MYO3A: variants seen among roughly 807,000 people sequenced by gnomAD.
The protein encoded by MYO3A is myosin-IIIa.
In MYO3A, 180 loss-of-function variants were observed where a neutral mutation model predicts 192.7. The observed-to-expected ratio is 0.93, with a 90% CI of 0.83 to 1.06. The LOEUF (loss-of-function observed/expected upper bound fraction) is 1.06, where lower values mean the gene tolerates loss of function less well. Ranked by LOEUF, MYO3A falls within the 50% of genes least tolerant of loss-of-function variation. MYO3A has a pLI of 0.00. For synonymous variants in MYO3A, 628 were observed against 645.3 expected (o/e 0.97, Z 0.41); for missense variants, 1,896 against 1,905.0 (o/e 1.00, Z 0.09).
intron 7 of MYO3A, among the ~76,000 whole-genome samples, chr10:26,017,402 A>G (rs1451898291): frequency 6.6e-6 from 1 of 152,060 alleles, no homozygotes; most frequent in African/African-American, 2.4e-5. Context: ...TAGTTGAGGG[A>G]AAAAGTTTTC....
At chr10:26,089,017 C>T (rs776722234) in intron 15 of MYO3A, among the ~76,000 whole-genome samples, 4 of 152,198 alleles carry the variant, frequency 2.6e-5, no homozygotes, top group Admixed American at 6.5e-5. Context: ...ACTATCGTTA[C>T]ACATTGGATT....
intron 2 of MYO3A, among the ~76,000 whole-genome samples, chr10:25,947,389 C>CTTT (rs869281200): frequency 7.4e-4 from 68 of 91,830 alleles, no homozygotes; most frequent in African/African-American, 1.5e-3. Context: ...TTTTCTTTTT[C>CTTT]TTTTTTTTTT....
intron 33 of MYO3A, chr10:26,202,723 T>A: frequency 4.5e-6 from 2 of 443,568 alleles, no homozygotes; most frequent in East Asian, 4.7e-5. Context: ...TTCAGTGCAA[T>A]AGAACCAGGA....
intron 10 of MYO3A, among the ~76,000 whole-genome samples, chr10:26,058,163 G>T (rs1338762819): frequency 1.3e-5 from 2 of 152,158 alleles, no homozygotes; most frequent in African/African-American, 2.4e-5. Flanking sequence ...CCTCTAATTT[G>T]CTGTCAATTA....
intron 20 of MYO3A, among the ~76,000 whole-genome samples, chr10:26,134,175 C>A (rs1015245340): frequency 2.6e-5 from 4 of 152,048 alleles, no homozygotes; most frequent in African/African-American, 7.2e-5. Flanking sequence ...GAGAAATATT[C>A]TAAAACTCAT....
chr10:26,164,251 G>T (rs1473833996), intron 26 of MYO3A, among the ~76,000 whole-genome samples: 2 of 152,192 alleles, frequency 1.3e-5, no homozygotes, highest in South Asian at 4.1e-4. Context: ...GGCTTAAGGT[G>T]TTTGCTTTGT....
chr10:26,153,056 C>T (rs1840893512), intron 23 of MYO3A, among the ~76,000 whole-genome samples: 1 of 152,182 alleles, frequency 6.6e-6, no homozygotes, highest in African/African-American at 2.4e-5. Context: ...AGATATTTTG[C>T]ACATTACTAT....
chr10:26,052,425 TG>T (rs1844058379), intron 10 of MYO3A, among the ~76,000 whole-genome samples: 3 of 152,178 alleles, frequency 2.0e-5, no homozygotes, highest in Admixed American at 1.3e-4. Flanking sequence ...GTTGATCCAG[TG>T]CTATGGCTCA....
intron 17 of MYO3A, among the ~76,000 whole-genome samples, chr10:26,116,498 C>A (rs983613883): frequency 6.6e-6 from 1 of 152,182 alleles, no homozygotes; most frequent in African/African-American, 2.4e-5. Context: ...CCAAATAAGA[C>A]CACGTTCTGA....
intron 6 of MYO3A, among the ~76,000 whole-genome samples, chr10:26,004,208 G>T (rs1378834782): frequency 6.6e-6 from 1 of 152,120 alleles, no homozygotes; most frequent in Non-Finnish European, 1.5e-5. Context: ...TGATGGGGAT[G>T]ATCCTGTATG....
At position 26,127,366 on chromosome 10, in the gene MYO3A, A is replaced by G. The variant is rs370361940; in HGVS notation, c.2115-1025A>G. Among the ~76,000 whole-genome samples, 79 of 152,300 alleles carry G rather than the reference A, an allele frequency of 5.2e-4. No homozygotes were observed. The Middle Eastern group carries it at 0.027, about 52-fold the overall frequency. On this transcript the variant is annotated intron_variant, in intron 19 of 34. Coordinates refer to ENST00000642920, the MANE Select transcript of MYO3A (RefSeq NM_017433.5). ...TCCTGTGGGGCAAAGAGATTGTAAA[A>G]GGATAATAATCTTGACTAAACCAGC...
chr10:26,014,543 T>C (rs903606569), intron 6 of MYO3A, among the ~76,000 whole-genome samples: 3 of 152,108 alleles, frequency 2.0e-5, no homozygotes, highest in Admixed American at 1.3e-4. Context: ...CAGAATATAG[T>C]CTTACCAAAT....
intron 17 of MYO3A, among the ~76,000 whole-genome samples, chr10:26,113,464 G>A (rs552715780): frequency 3.8e-5 from 5 of 132,632 alleles, no homozygotes; most frequent in African/African-American, 1.1e-4. Context: ...GCAAGACTAC[G>A]TCTCAAAAAA....
At chr10:26,069,705 C>T (rs7097387) in intron 12 of MYO3A, among the ~76,000 whole-genome samples, 72,062 of 151,656 alleles carry the variant, frequency 0.48, 17,905 homozygotes, top group Middle Eastern at 0.59. Context: ...TGTTAAATGA[C>T]GTGAAAGGAA....
chr10:26,082,352 G>A (rs1475398035), intron 14 of MYO3A, among the ~76,000 whole-genome samples: 1 of 151,700 alleles, frequency 6.6e-6, no homozygotes, highest in African/African-American at 2.4e-5. Context: ...TTTGTTAATG[G>A]GATTGCTTTC....
intron 2 of MYO3A, among the ~76,000 whole-genome samples, chr10:25,946,996 A>G (rs72789927): frequency 0.08 from 12,165 of 151,626 alleles, 621 homozygotes; most frequent in African/African-American, 0.14. Context: ...TATTTCTTCA[A>G]ATAAGCTCTC....
intron 3 of MYO3A, among the ~76,000 whole-genome samples, chr10:25,952,539 G>A (rs1487688926): frequency 6.6e-6 from 1 of 152,122 alleles, no homozygotes; most frequent in Non-Finnish European, 1.5e-5. Context: ...TATTATTAAA[G>A]TTGACTGAAT....
intron 17 of MYO3A, among the ~76,000 whole-genome samples, chr10:26,115,551 T>A (rs1423388087): frequency 1.3e-5 from 2 of 152,260 alleles, no homozygotes; most frequent in African/African-American, 2.4e-5. Context: ...ATTCAATTTA[T>A]GAATCCAACA....
chr10:25,948,310 C>G (rs909125255), intron 2 of MYO3A, among the ~76,000 whole-genome samples: 1 of 151,948 alleles, frequency 6.6e-6, no homozygotes, highest in Admixed American at 6.6e-5. Flanking sequence ...CCTGAAGATA[C>G]GTTTTTCATT....
Sources: gnomAD v4.1 joint callset for allele counts (sites outside exome capture counted in the v4.1 genomes callset) on GRCh38, gnomAD v4.1.1 for gene constraint, MANE v1.5 for transcripts, NCBI Gene and HGNC (gene_info 2026-07-23, HGNC 2026-07-21) for gene names.